The following GULP1 variants were observed in gnomAD, a reference collection of about 807,000 sequenced individuals.
The protein encoded by GULP1 is GULP PTB domain containing engulfment adaptor 1, also known as PTB domain-containing engulfment adapter protein 1.
A neutral mutation model predicts 40.9 loss-of-function variants in GULP1; 19 were observed. That is an observed-to-expected ratio of 0.46 (90% CI 0.32 to 0.68). The LOEUF (loss-of-function observed/expected upper bound fraction) is 0.68. Ranked by LOEUF, GULP1 falls within the 30% of genes least tolerant of loss-of-function variation. The probability of loss-of-function intolerance (pLI) is 0.03; values close to 1 mark genes in which losing one functional copy is unlikely to be tolerated. For synonymous variants in GULP1, 119 were observed against 117.6 expected, an observed-to-expected ratio of 1.01 and a Z score of -0.08; for missense variants, 312 against 362.2, an observed-to-expected ratio of 0.86 and a Z score of 1.12.
intron 1 of GULP1, among the ~76,000 whole-genome samples, chr2:188,364,426 A>C (rs2046476408): frequency 6.6e-6 from 1 of 152,180 alleles, no homozygotes. Flanking sequence ...CAGCCTTCGC[A>C]TCTGTGTAGT....
chr2:188,418,649 A>T (rs1025467311), intron 2 of GULP1, among the ~76,000 whole-genome samples: 2 of 152,202 alleles, frequency 1.3e-5, no homozygotes, highest in African/African-American at 2.4e-5. Context: ...AATAAAAAAG[A>T]AATGACATTT....
chr2:188,536,062 A>G (rs1047421072), intron 6 of GULP1, among the ~76,000 whole-genome samples: 36 of 151,606 alleles, frequency 2.4e-4, no homozygotes, highest in African/African-American at 8.5e-4. Context: ...TGTTGGTTTA[A>G]TTGTTTAAGT....
At chr2:188,477,114 A>G (rs184491262) in intron 2 of GULP1, among the ~76,000 whole-genome samples, 16 of 152,240 alleles carry the variant, frequency 1.1e-4, no homozygotes, top group African/African-American at 3.8e-4. Context: ...TAAGACAAAG[A>G]TTGTAGCTAA....
At chr2:188,406,372 G>A (rs2053101108) in intron 2 of GULP1, among the ~76,000 whole-genome samples, 1 of 151,972 alleles carries the variant, frequency 6.6e-6, no homozygotes, top group Admixed American at 6.6e-5. Flanking sequence ...TCATGTATTT[G>A]GTACACCATT....
chr2:188,564,255 C>T (rs1697072926), intron 7 of GULP1, among the ~76,000 whole-genome samples: 1 of 151,700 alleles, frequency 6.6e-6, no homozygotes, highest in African/African-American at 2.4e-5. Context: ...GGTGCCTTAG[C>T]TAGTGAATAG....
chr2:188,486,805 T>C (rs923604985), intron 4 of GULP1, among the ~76,000 whole-genome samples: 1 of 151,968 alleles, frequency 6.6e-6, no homozygotes, highest in Admixed American at 6.6e-5. Flanking sequence ...GAATCTTTTA[T>C]ATTATCCTGT....
Position 188,342,624 on chromosome 2 carries a change from T to A in GULP1, c.-171-41139T>A, listed in dbSNP as rs137864058. Among the ~76,000 whole-genome samples the A allele has an allele frequency of 6.7e-3, 1,025 of 152,336 alleles. 9 individuals carry two copies. The highest frequency in any genetic ancestry group is 0.031 in the South Asian group (148 of 4,832). ...TGTATTAAAGAAACAGATGAGAGAA[T>A]ACAATACAAACTTGGGTTTCATATC... On this transcript the variant is annotated intron_variant, in intron 1 of 11. Transcript: ENST00000409830.
At chr2:188,552,256 C>T (rs1380815160) in intron 7 of GULP1, among the ~76,000 whole-genome samples, 1 of 151,600 alleles carries the variant, frequency 6.6e-6, no homozygotes, top group Non-Finnish European at 1.5e-5. Context: ...GCCCAATGTT[C>T]AGTAGTTTTC....
intron 1 of GULP1, among the ~76,000 whole-genome samples, chr2:188,365,545 A>G (rs1206952630): frequency 6.6e-6 from 1 of 152,200 alleles, no homozygotes; most frequent in Non-Finnish European, 1.5e-5. Flanking sequence ...ACCAATATTT[A>G]TTAGAAGGAA....
intron 1 of GULP1, among the ~76,000 whole-genome samples, chr2:188,321,625 A>G (rs1286194902): frequency 2.0e-5 from 3 of 152,160 alleles, no homozygotes; most frequent in Non-Finnish European, 4.4e-5. Flanking sequence ...AAACTTTTTA[A>G]AAACTTAAAT....
intron 6 of GULP1, among the ~76,000 whole-genome samples, chr2:188,534,114 C>T (rs1688288908): frequency 6.6e-6 from 1 of 152,032 alleles, no homozygotes; most frequent in South Asian, 2.1e-4. Context: ...TCCAGCAACC[C>T]TAATGCTGGT....
chr2:188,439,412 A>G (rs1033924857), intron 2 of GULP1, among the ~76,000 whole-genome samples: 1 of 152,188 alleles, frequency 6.6e-6, no homozygotes, highest in African/African-American at 2.4e-5. Context: ...AGACGTATAT[A>G]TGTATAAGAA....
At chr2:188,350,264 A>G (rs1310992990) in intron 1 of GULP1, among the ~76,000 whole-genome samples, 1 of 152,096 alleles carries the variant, frequency 6.6e-6, no homozygotes, top group African/African-American at 2.4e-5. Context: ...TAAGGATTGC[A>G]TTAGATCTGT....
rs1025508319 is a variant in GULP1, at chr2:188,569,940, C to T, written c.517-88C>T. The T allele has an allele frequency of 9.1e-5, 53 of 582,726 alleles. 1 individual carries two copies. The highest frequency in any genetic ancestry group is 5.9e-4 in the East Asian group (19 of 31,940). The allele number at this position is 582,726 out of a possible 1,614,324, so 36.1% of individuals were successfully genotyped here. On this transcript the variant is annotated intron_variant, in intron 8 of 11. Coordinates refer to ENST00000409830, the MANE Select transcript of GULP1 (RefSeq NM_016315.4). ...CACAACAAAGTACATTAAAGTTTTACGTAATATAAATTCCTACTCATAACT... is the reference window on the plus strand; with the variant it reads ...CACAACAAAGTACATTAAAGTTTTATGTAATATAAATTCCTACTCATAACT...
At chr2:188,513,490 C>T (rs940477784) in intron 4 of GULP1, among the ~76,000 whole-genome samples, 2 of 152,062 alleles carry the variant, frequency 1.3e-5, no homozygotes, top group Non-Finnish European at 2.9e-5. Context: ...TTAATATTGT[C>T]ATTGGCCGAT....
chr2:188,411,679 T>G (rs189596513), intron 2 of GULP1, among the ~76,000 whole-genome samples: 8 of 152,308 alleles, frequency 5.3e-5, no homozygotes, highest in Non-Finnish European at 7.4e-5. Context: ...ATGTCCTTGT[T>G]TCCAATTTTT....
Position 188,483,480 on chromosome 2 carries a change from C to A in GULP1, c.78C>A (p.Pro26=). 1.4e-6 allele frequency: 2 copies of A among 1,453,604 alleles called. No individual in the cohort carries two copies. The highest frequency in any genetic ancestry group is 1.9e-6 in the Non-Finnish European group (2 of 1,044,578). The allele number at this position is 1,453,604 out of a possible 1,614,324, so 90.0% of individuals were successfully genotyped here. Residue 26 remains proline (P), a synonymous_variant, in exon 4 of 12, where the codon CCC becomes CCA. Transcript: ENST00000409830. ...TPEALSKHFI[P]YNAKFLGSTE... Reference sequence around the variant, plus strand: ...AAGCTTTATCAAAACATTTCATTCCCTATAATGCAAAGGTAAAAATAGTTC... The same window carrying A: ...AAGCTTTATCAAAACATTTCATTCCATATAATGCAAAGGTAAAAATAGTTC...
At chr2:188,528,831 G>A (rs117459241) in intron 5 of GULP1, among the ~76,000 whole-genome samples, 1 of 152,052 alleles carries the variant, frequency 6.6e-6, no homozygotes, top group African/African-American at 2.4e-5. Context: ...CAACTGTCTG[G>A]TATGAATACG....
chr2:188,418,434 C>T (rs537024985), intron 2 of GULP1, among the ~76,000 whole-genome samples: 1 of 152,206 alleles, frequency 6.6e-6, no homozygotes, highest in African/African-American at 2.4e-5. Flanking sequence ...GAGTTCGAGA[C>T]CAGCCTGGGC....
Sources: gnomAD v4.1 joint callset for allele counts (sites outside exome capture counted in the v4.1 genomes callset) on GRCh38, gnomAD v4.1.1 for gene constraint, MANE v1.5 for transcripts, NCBI Gene and HGNC (gene_info 2026-07-23, HGNC 2026-07-21) for gene names.